Variants in HEXIM2 observed in about 807,000 individuals in gnomAD.
HEXIM2 encodes protein HEXIM2.
For synonymous variants in HEXIM2, 159 were observed against 162.7 expected (o/e 0.98, Z 0.17); for missense variants, 413 against 390.8 (o/e 1.06, Z -0.48).
chr17:45,164,463 AC>A (rs1567927942), intron 3 of HEXIM2, among the ~76,000 whole-genome samples: 2 of 151,542 alleles, frequency 1.3e-5, no homozygotes, highest in African/African-American at 4.9e-5. Flanking sequence ...TCAAAAAAAA[AC>A]CAAAAAAACA....
chr17:45,167,322 A>T (rs970508072), intron 3 of HEXIM2, among the ~76,000 whole-genome samples: 1 of 151,804 alleles, frequency 6.6e-6, no homozygotes, highest in Non-Finnish European at 1.5e-5. Context: ...CAAGACTCTC[A>T]CACACACACA....
Position 45,162,468 on chromosome 17 carries a change from T to TGGGCCTC in HEXIM2, c.-192-17_-192-11dup, listed in dbSNP as rs921782257. On this transcript the variant is annotated intron_variant, in intron 1 of 3. Transcript: ENST00000589230. ...ACACCTGGCTTCCTGGCTGCCAACC[T>TGGGCCTC]GGGCCTCGGTGACTTCCAGGAGGAC... is the stretch of plus-strand genomic sequence containing the variant. The TGGGCCTC allele has an allele frequency of 9.1e-7, 1 of 1,102,148 alleles. No individual in the cohort carries two copies. Among genetic ancestry groups the TGGGCCTC allele is most frequent in the African/African-American group, 1.6e-5 (1 of 61,146 alleles). The allele number at this position is 1,102,148 out of a possible 1,614,324, so 68.3% of individuals were successfully genotyped here. A position where few individuals can be genotyped will look rare whatever the true frequency, so the allele number is the denominator to read the frequency against.
chr17:45,165,635 T>G (rs1435449060), intron 3 of HEXIM2, among the ~76,000 whole-genome samples: 2 of 152,108 alleles, frequency 1.3e-5, no homozygotes, highest in African/African-American at 4.8e-5. Flanking sequence ...TGGAACTCTC[T>G]CACTGCAGAC....
chr17:45,166,427 G>A (rs1045327235), intron 3 of HEXIM2, among the ~76,000 whole-genome samples: 3 of 152,084 alleles, frequency 2.0e-5, no homozygotes, highest in Admixed American at 6.6e-5. Flanking sequence ...ACACCCGGCC[G>A]TAAGTCTTAT....
upstream of HEXIM2, chr17:45,160,900 T>A: frequency 1.6e-6 from 2 of 1,289,510 alleles, no homozygotes; most frequent in Non-Finnish European, 2.0e-6. Context: ...GGGTCGTGGT[T>A]TTTCGCAACC....
chr17:45,166,062 G>T (rs1292535218), intron 3 of HEXIM2, among the ~76,000 whole-genome samples: 1 of 152,202 alleles, frequency 6.6e-6, no homozygotes, highest in Non-Finnish European at 1.5e-5. Context: ...CTCCCAAAGT[G>T]CTGGGATTAC....
At position 45,169,539 on chromosome 17, in the gene HEXIM2, C is replaced by G. The variant is rs146516847; in HGVS notation, c.591C>G (p.Tyr197Ter). ...EFQRKDFSET[Y>*]ERFHTESLQG... ...AGCGGAAGGACTTCTCTGAGACTTA[C>G]GAACGCTTCCACACCGAGAGCCTGC... The change falls in exon 4 of 4, where the codon TAC becomes TAG. Residue 197 changes from tyrosine to a stop codon, truncating the protein, a stop_gained. Transcript: ENST00000589230. LOFTEE classifies it low-confidence loss of function (END_TRUNC). 7.6e-5 allele frequency: 120 copies of G among 1,578,390 alleles called. No individual in the cohort carries two copies. In the East Asian group the frequency reaches 9.4e-4, roughly 12 times the overall value.
At chr17:45,160,895 G>A (rs1156451732), upstream of HEXIM2, 1 of 1,289,738 alleles carries the variant, frequency 7.8e-7, no homozygotes. Context: ...TAAGAGGGTC[G>A]TGGTTTTTCG....
At chr17:45,168,494 GTT>G (rs555871110) in intron 3 of HEXIM2, among the ~76,000 whole-genome samples, 2 of 142,490 alleles carry the variant, frequency 1.4e-5, no homozygotes, top group East Asian at 2.0e-4. Context: ...ATAAAATAAG[GTT>G]TTTTTTTTTT....
chr17:45,160,472 TG>T (rs1241505136), upstream of HEXIM2, among the ~76,000 whole-genome samples: 4 of 152,080 alleles, frequency 2.6e-5, no homozygotes, highest in African/African-American at 9.7e-5. Context: ...ACATTGGAAT[TG>T]GAATTACTGT....
chr17:45,167,149 A>G (rs1431114356), intron 3 of HEXIM2, among the ~76,000 whole-genome samples: 1 of 151,786 alleles, frequency 6.6e-6, no homozygotes, highest in Non-Finnish European at 1.5e-5. Context: ...AACATGGTGA[A>G]ACCCCATCTG....
chr17:45,161,035 C>A, upstream of HEXIM2: 2 of 1,072,710 alleles, frequency 1.9e-6, no homozygotes, highest in Non-Finnish European at 2.5e-6. Flanking sequence ...CGCCCTCCCC[C>A]GCGGCGCCAG....
rs1019445820 is a variant in HEXIM2 at position 45,169,601 on chromosome 17, T to G, written c.653T>G (p.Leu218Arg). The change falls in exon 4 of 4, where the codon CTG (leucine) becomes CGG (arginine). Residue 218 changes from leucine to arginine, a missense_variant. Transcript: ENST00000589230. Reference protein sequence around the residue: ...RSKQELVRDYLELEKRLSQAE... With the variant: ...RSKQELVRDYRELEKRLSQAE... The stretch of plus-strand genomic sequence containing the variant: ...AAGCAGGAGCTGGTGCGAGACTACC[T>G]GGAGCTGGAGAAGCGGCTGTCGCAG... The G allele has an allele frequency of 1.3e-6, 2 of 1,539,478 alleles. No individual in the cohort carries two copies. The highest frequency in any genetic ancestry group is 2.8e-5 in the African/African-American group (2 of 72,060).
upstream of HEXIM2, chr17:45,160,950 T>C: frequency 7.8e-7 from 1 of 1,289,458 alleles, no homozygotes; most frequent in Non-Finnish European, 1.0e-6. Flanking sequence ...CGAGGTAAGG[T>C]GGGTGCACTG....
intron 3 of HEXIM2, among the ~76,000 whole-genome samples, chr17:45,163,685 C>T (rs2042764612): frequency 6.6e-6 from 1 of 151,980 alleles, no homozygotes; most frequent in South Asian, 2.1e-4. Context: ...CTCATCTCTA[C>T]TAAAAATACA....
In HEXIM2 at chr17:45,162,613, G is replaced by A. The variant is rs755932842; in HGVS notation, c.-67G>A. 14 of 1,436,148 alleles carry A rather than the reference G, an allele frequency of 9.7e-6. No homozygotes were observed. Among genetic ancestry groups the A allele is most frequent in the Admixed American group, 2.6e-5 (1 of 38,768 alleles). 89.0% of individuals were successfully genotyped at this position (1,436,148 alleles called of 1,614,324 possible). ...AAAACCAGCGGTGGAGGCAGCCTTCGGGGCCTGCATTTGAGAATAAGGGTA... is the reference window on the plus strand; with the variant it reads ...AAAACCAGCGGTGGAGGCAGCCTTCAGGGCCTGCATTTGAGAATAAGGGTA... On this transcript the variant is annotated 5_prime_UTR_variant, in exon 2 of 4. Transcript: ENST00000589230.
At chr17:45,167,591 C>A (rs2042892881) in intron 3 of HEXIM2, among the ~76,000 whole-genome samples, 1 of 152,028 alleles carries the variant, frequency 6.6e-6, no homozygotes. Context: ...CAGAGTAAGA[C>A]CCTGTCTCTA....
rs11423159 is a variant in HEXIM2, at chr17:45,163,325, C to CAAAAA, written c.66+486_66+490dup. Among the ~76,000 whole-genome samples the CAAAAA allele has an allele frequency of 6.0e-4, 47 of 78,706 alleles. 1 individual carries two copies. The highest frequency in any genetic ancestry group is 3.0e-3 in the South Asian group (6 of 2,002). 51.6% of individuals were successfully genotyped at this position (78,706 alleles called of 152,430 possible). A position where few individuals can be genotyped will look rare whatever the true frequency, so the allele number is the denominator to read the frequency against. On this transcript the variant is annotated intron_variant, in intron 3 of 3. Coordinates refer to ENST00000589230, the MANE Select transcript of HEXIM2 (RefSeq NM_001303441.2). ...TGGGCGTCAGAGCGAGACTCCGTCT[C>CAAAAA]AAAAAAAAAAAAAAAAAAAAAAAAT...
Position 45,162,585 on chromosome 17 carries a change from G to A in HEXIM2, c.-95G>A, listed in dbSNP as rs1335956821. 1.1e-5 allele frequency: 16 copies of A among 1,407,028 alleles called. No individual in the cohort carries two copies. The highest frequency in any genetic ancestry group is 5.3e-4 in the Middle Eastern group (2 of 3,768). 87.2% of individuals were successfully genotyped at this position (1,407,028 alleles called of 1,614,324 possible). ...ATTTGGCCCCTTGCTGGCTGGAGGTGTGAAAACCAGCGGTGGAGGCAGCCT... is the reference window on the plus strand; with the variant it reads ...ATTTGGCCCCTTGCTGGCTGGAGGTATGAAAACCAGCGGTGGAGGCAGCCT... On this transcript the variant is annotated 5_prime_UTR_variant, in exon 2 of 4. It adds an upstream start codon to the 5' untranslated region. Coordinates refer to ENST00000589230, the MANE Select transcript of HEXIM2 (RefSeq NM_001303441.2).
Sources: gnomAD v4.1 joint callset for allele counts (sites outside exome capture counted in the v4.1 genomes callset) on GRCh38, gnomAD v4.1.1 for gene constraint, MANE v1.5 for transcripts, NCBI Gene and HGNC (gene_info 2026-07-23, HGNC 2026-07-21) for gene names.